Variants in CNTNAP5 observed in about 807,000 individuals in gnomAD.
CNTNAP5 encodes the protein contactin-associated protein-like 5.
Under a neutral mutation model 150.2 loss-of-function variants are expected in CNTNAP5, and 72 were observed. The ratio of observed to expected loss-of-function variants is 0.48; its 90% CI spans 0.40 to 0.58. The LOEUF (loss-of-function observed/expected upper bound fraction) is 0.58, where lower values mean the gene tolerates loss of function less well. Among genes scored for constraint, CNTNAP5 ranks in the 20% least tolerant of loss-of-function variants. The probability of loss-of-function intolerance (pLI) is 0.00; values close to 1 mark genes in which losing one functional copy is unlikely to be tolerated. For synonymous variants in CNTNAP5, 672 were observed against 619.8 expected (o/e 1.08, Z -1.25); for missense variants, 1,636 against 1,626.2 (o/e 1.01, Z -0.10).
intron 1 of CNTNAP5, among the ~76,000 whole-genome samples, chr2:124,180,787 C>T (rs1302410369): frequency 6.8e-6 from 1 of 147,190 alleles, no homozygotes; most frequent in Non-Finnish European, 1.5e-5. Context: ...CAATCTCCCC[C>T]CAAATAATTC....
At chr2:124,363,666 A>G (rs1282590065) in intron 3 of CNTNAP5, among the ~76,000 whole-genome samples, 1 of 152,146 alleles carries the variant, frequency 6.6e-6, no homozygotes, top group African/African-American at 2.4e-5. Context: ...TTGTGCACTT[A>G]CATTTTTGTT....
intron 4 of CNTNAP5, among the ~76,000 whole-genome samples, chr2:124,427,780 A>G (rs1031912964): frequency 1.3e-5 from 2 of 151,864 alleles, no homozygotes; most frequent in Admixed American, 6.6e-5. Context: ...TTTATTTTTA[A>G]TTTGACTCTC....
chr2:124,835,146 A>G (rs1458764508), intron 19 of CNTNAP5, among the ~76,000 whole-genome samples: 1 of 152,198 alleles, frequency 6.6e-6, no homozygotes, highest in Admixed American at 6.6e-5. Flanking sequence ...TTTTAGAATT[A>G]TCTTCATTTA....
chr2:124,106,223 T>A (rs1294880799), intron 1 of CNTNAP5, among the ~76,000 whole-genome samples: 1 of 152,186 alleles, frequency 6.6e-6, no homozygotes, highest in African/African-American at 2.4e-5. Flanking sequence ...ATTAAATAAA[T>A]ATGTGGGCTT....
chr2:124,588,202 TTCTTTCTTTCTTTC>T (rs1558966122), intron 11 of CNTNAP5, among the ~76,000 whole-genome samples: 2 of 146,802 alleles, frequency 1.4e-5, no homozygotes, highest in South Asian at 2.2e-4. Flanking sequence ...CTTTCTTTCT[TTCTTTCTTTCTTTC>T]TTTCTTTCTT....
chr2:124,479,062 A>G (rs867936464), intron 7 of CNTNAP5, among the ~76,000 whole-genome samples: 1 of 152,292 alleles, frequency 6.6e-6, no homozygotes, highest in African/African-American at 2.4e-5. Context: ...CTACAAGACA[A>G]TTCTCCACAT....
intron 17 of CNTNAP5, among the ~76,000 whole-genome samples, chr2:124,784,507 C>T (rs752936323): frequency 6.6e-6 from 1 of 152,138 alleles, no homozygotes; most frequent in East Asian, 1.9e-4. Context: ...CCACTTGATA[C>T]CAAGGGCCAA....
intron 13 of CNTNAP5, among the ~76,000 whole-genome samples, chr2:124,719,695 AT>A (rs537216224): frequency 8.6e-5 from 13 of 151,918 alleles, no homozygotes; most frequent in East Asian, 1.9e-4. Context: ...CTATATCCCC[AT>A]TTTTTTTAAC....
intron 4 of CNTNAP5, among the ~76,000 whole-genome samples, chr2:124,425,199 A>G (rs1692211418): frequency 1.3e-5 from 2 of 152,236 alleles, no homozygotes; most frequent in South Asian, 4.1e-4. Context: ...GTCTGTGCCC[A>G]GGTAGAATCC....
chr2:124,561,905 CCT>C (rs539430120), intron 10 of CNTNAP5, among the ~76,000 whole-genome samples: 112 of 152,074 alleles, frequency 7.4e-4, no homozygotes, highest in Non-Finnish European at 1.2e-3. Context: ...TTGCTTGCAC[CCT>C]CTCTCTTTTT....
At chr2:124,776,202 G>A (rs1335702333) in intron 17 of CNTNAP5, among the ~76,000 whole-genome samples, 1 of 152,098 alleles carries the variant, frequency 6.6e-6, no homozygotes, top group Non-Finnish European at 1.5e-5. Flanking sequence ...CAATTATAGA[G>A]TGGAAATCTT....
intron 12 of CNTNAP5, among the ~76,000 whole-genome samples, chr2:124,614,240 A>G (rs960828825): frequency 6.6e-6 from 1 of 152,194 alleles, no homozygotes; most frequent in African/African-American, 2.4e-5. Flanking sequence ...CAATAAAATG[A>G]GTATCACAAT....
Position 124,654,487 on chromosome 2 carries a change from C to A in CNTNAP5, c.2077+6529C>A, listed in dbSNP as rs185392599. ...CACTCTGTAACCTCACATTCTAATT[C>A]GGGGCTGTGTGTGGAAGGCTGTGAC... On this transcript the variant is annotated intron_variant, in intron 13 of 23. Coordinates refer to ENST00000682447, the MANE Select transcript of CNTNAP5 (RefSeq NM_001367498.1). 4.8e-4 allele frequency among the ~76,000 whole-genome samples: 73 copies of A among 152,192 alleles called. 2 individuals carry two copies. The South Asian group carries it at 9.1e-3, about 19-fold the overall frequency.
At chr2:124,309,683 T>TAA (rs1688776217) in intron 3 of CNTNAP5, among the ~76,000 whole-genome samples, 1 of 152,156 alleles carries the variant, frequency 6.6e-6, no homozygotes, top group Non-Finnish European at 1.5e-5. Flanking sequence ...CTGGGGCCTT[T>TAA]AGCCAGAGCG....
rs578198267 is a variant in CNTNAP5, at chr2:124,492,293, G to T, written c.1063-11999G>T. Reference sequence around the variant, plus strand: ...ATACATTTCAAGTTAATTTTTGTGAGTGTTGTAAGACAAGGACTTAATTTC... The same window carrying T: ...ATACATTTCAAGTTAATTTTTGTGATTGTTGTAAGACAAGGACTTAATTTC... On this transcript the variant is annotated intron_variant, in intron 7 of 23. Coordinates refer to ENST00000682447, the MANE Select transcript of CNTNAP5 (RefSeq NM_001367498.1). 3.4e-3 allele frequency among the ~76,000 whole-genome samples: 525 copies of T among 152,278 alleles called. 1 individual carries two copies. The highest frequency in any genetic ancestry group is 6.2e-3 in the Non-Finnish European group (424 of 67,992).
At chr2:124,511,556 T>G (rs750506994) in intron 8 of CNTNAP5, among the ~76,000 whole-genome samples, 5 of 152,202 alleles carry the variant, frequency 3.3e-5, no homozygotes, top group Non-Finnish European at 7.3e-5. Flanking sequence ...CTGTCCTCAT[T>G]TGCTGAAGGA....
chr2:124,652,559 A>G (rs1261118555), intron 13 of CNTNAP5, among the ~76,000 whole-genome samples: 1 of 152,242 alleles, frequency 6.6e-6, no homozygotes, highest in African/African-American at 2.4e-5. Flanking sequence ...TCAAAGCCAT[A>G]GTCTGGAAGA....
chr2:124,597,862 T>A (rs1192405691), intron 11 of CNTNAP5, among the ~76,000 whole-genome samples: 2 of 145,898 alleles, frequency 1.4e-5, no homozygotes, highest in East Asian at 4.3e-4. Flanking sequence ...CTTTTTTCTC[T>A]AAACTTCCCT....
At chr2:124,692,501 G>A (rs1385807075) in intron 13 of CNTNAP5, among the ~76,000 whole-genome samples, 1 of 152,192 alleles carries the variant, frequency 6.6e-6, no homozygotes, top group East Asian at 1.9e-4. Flanking sequence ...AACAGCAAAA[G>A]ATCACTGAAA....
Sources: gnomAD v4.1 joint callset for allele counts (sites outside exome capture counted in the v4.1 genomes callset) on GRCh38, gnomAD v4.1.1 for gene constraint, MANE v1.5 for transcripts, NCBI Gene and HGNC (gene_info 2026-07-23, HGNC 2026-07-21) for gene names.